The following DDX3X variants were observed in gnomAD, a reference collection of about 807,000 sequenced individuals.
DDX3X encodes the protein DEAD-box helicase 3 X-linked.
In DDX3X, 4 loss-of-function variants were observed where a neutral mutation model predicts 52.7. The observed-to-expected ratio is 0.08, with a 90% CI of 0.04 to 0.17. DDX3X has a LOEUF of 0.17. Among genes scored for constraint, DDX3X ranks in the 10% least tolerant of loss-of-function variants. The pLI is 1.00. For missense variants in DDX3X, 222 were observed against 548.6 expected, an observed-to-expected ratio of 0.40 and a Z score of 5.95; for synonymous variants, 192 against 178.1, an observed-to-expected ratio of 1.08 and a Z score of -0.62.
intron 4 of DDX3X, 100 bp downstream of exon 4, chrX:41,341,716 G>T: frequency 4.7e-6 from 4 of 857,353 alleles, no homozygotes; most frequent in Non-Finnish European, 6.5e-6. Flanking sequence ...TGTCTGTTTG[G>T]TCATTGTATT....
At chrX:41,337,291 G>A (rs2063784985) in intron 1 of DDX3X, 117 bp from the exon 2 acceptor site, 1 of 591,408 alleles carries the variant, frequency 1.7e-6, no homozygotes, top group African/African-American at 2.2e-5. Context: ...TTAGCCCTGT[G>A]AGGTGGACTG....
In DDX3X at chrX:41,347,406, C is replaced by T; in HGVS notation, c.1864C>T (p.Arg622Cys). ...SFSSSRASSSRSGGGGHGSSR... is the reference protein window; with the variant it reads ...SFSSSRASSSCSGGGGHGSSR... ...CAGCAGCAGCCGCGCAAGCAGCAGC[C>T]GCAGTGGCGGAGGTGGCCACGGTAG... The change falls in exon 16 of 17, where the codon CGC becomes TGC. Residue 622 changes from arginine to cysteine, a missense_variant. Around this residue, in one of 5 missense-constraint regions of DDX3X, gnomAD observed 38 missense variants for 52.0 expected, o/e 0.73. Coordinates refer to ENST00000644876, the MANE Select transcript of DDX3X (RefSeq NM_001356.5). The T allele has an allele frequency of 1.7e-6, 2 of 1,211,171 alleles. No individual in the cohort carries two copies. Among genetic ancestry groups the T allele is most frequent in the Non-Finnish European group, 2.2e-6 (2 of 895,035 alleles).
At chrX:41,340,672 C>T (rs2063837531) in intron 3 of DDX3X, 2 of 282,368 alleles carry the variant, frequency 7.1e-6, no homozygotes, top group African/African-American at 5.6e-5. Flanking sequence ...AGTAGATGAA[C>T]CACTAAAATA....
intron 1 of DDX3X, chrX:41,334,548 G>A (rs903647903): frequency 9.1e-7 from 1 of 1,094,775 alleles, no homozygotes; most frequent in Non-Finnish European, 1.2e-6. Flanking sequence ...GCGTGCGCAG[G>A]CGGGCGGAGG....
intron 1 of DDX3X, 112 bp downstream of exon 1, chrX:41,334,409 C>T (rs2063724512): frequency 3.5e-6 from 4 of 1,132,847 alleles, no homozygotes; most frequent in African/African-American, 3.6e-5. Flanking sequence ...TTCTGGGTGC[C>T]CCGGGCTGGC....
intron 2 of DDX3X, 24 bp from the exon 3 acceptor site, chrX:41,339,012 T>G: frequency 1.1e-5 from 8 of 751,230 alleles, no homozygotes; most frequent in Non-Finnish European, 1.4e-5. Flanking sequence ...TTAATTAATT[T>G]TATATATATA....
chrX:41,341,494 T>C lies in DDX3X; in HGVS notation c.162T>C (p.Asp54=), dbSNP rs2147348601. 2 of 1,203,912 alleles carry C rather than the reference T, an allele frequency of 1.7e-6. No homozygotes were observed. The highest frequency in any genetic ancestry group is 2.2e-6 in the Non-Finnish European group (2 of 889,791). Residue 54 remains aspartate (D), a synonymous_variant, in exon 4 of 17, where the codon GAT becomes GAC. Transcript: ENST00000644876. ...RNREATKGFY[D]KDSSGWSSSK... ...CTTTTTTAATCAAAGGTTTCTACGATAAAGACAGTTCAGGGTGGAGTTCTA... is the reference window on the plus strand; with the variant it reads ...CTTTTTTAATCAAAGGTTTCTACGACAAAGACAGTTCAGGGTGGAGTTCTA...
rs749744596 is a variant in DDX3X, at chrX:41,334,204, A to G, written c.-49A>G. On this transcript the variant is annotated 5_prime_UTR_variant, in exon 1 of 17. Coordinates refer to ENST00000644876, the MANE Select transcript of DDX3X (RefSeq NM_001356.5). ...GTGAGAGGGCCTTCGCGGTGGAACA[A>G]ACACTCGCTTAGCAGCGGAAGACTC... 1.4e-5 allele frequency: 16 copies of G among 1,175,636 alleles called. No individual in the cohort carries two copies. Among genetic ancestry groups the G allele is most frequent in the East Asian group, 6.0e-5 (2 of 33,199 alleles).
intron 8 of DDX3X, 31 bp from the exon 9 acceptor site, chrX:41,343,997 TAG>T: frequency 8.9e-7 from 1 of 1,119,626 alleles, no homozygotes; most frequent in Non-Finnish European, 1.2e-6. Flanking sequence ...ACAGGGTAGG[TAG>T]AGTTAACTTA....
In DDX3X at chrX:41,347,601, A is replaced by G. The variant is rs761379487; in HGVS notation, c.1910-39A>G. 2.7e-6 allele frequency: 3 copies of G among 1,128,633 alleles called. No homozygotes were observed. In the South Asian group the frequency reaches 5.6e-5, roughly 21 times the overall value. The allele number at this position is 1,128,633 out of a possible 1,213,427, so 93.0% of individuals were successfully genotyped here. On this transcript the variant is annotated intron_variant, in intron 16 of 16. Transcript: ENST00000644876. ...GAAGGATTGTATTTAATGATGGATAACTTCATTAATTTCTCTCTCTTTTTA... is the reference window on the plus strand; with the variant it reads ...GAAGGATTGTATTTAATGATGGATAGCTTCATTAATTTCTCTCTCTTTTTA...
At position 41,348,179 on chromosome X, in the gene DDX3X, G is replaced by T. The variant is rs750738573; in HGVS notation, c.*460G>T. 48 of 238,436 alleles carry T rather than the reference G, an allele frequency of 2.0e-4. No homozygotes were observed. The highest frequency in any genetic ancestry group is 1.3e-3 in the African/African-American group (46 of 35,207). 19.6% of individuals were successfully genotyped at this position (238,436 alleles called of 1,213,427 possible). ...GTGATACAACTTAACAGGAATCATC[G>T]ATTCATCCATAAATAATATAAGGAA... On this transcript the variant is annotated 3_prime_UTR_variant, in exon 17 of 17. Coordinates refer to ENST00000644876, the MANE Select transcript of DDX3X (RefSeq NM_001356.5).
intron 13 of DDX3X, 27 bp downstream of exon 13, chrX:41,346,437 C>G (rs766464631): frequency 1.4e-4 from 169 of 1,195,723 alleles, no homozygotes; most frequent in Non-Finnish European, 1.3e-4. Context: ...TTCTTTTATT[C>G]AAATTGAGCA....
downstream of DDX3X, chrX:41,351,393 T>C: frequency 8.9e-6 from 1 of 112,135 alleles, no homozygotes; most frequent in South Asian, 3.7e-4. Context: ...GATTCTTGGC[T>C]GAATTTCAAG....
At chrX:41,362,319 C>G in intron 5 of DDX3X, among the ~76,000 whole-genome samples, 1 of 110,498 alleles carries the variant, frequency 9.0e-6, no homozygotes, top group Non-Finnish European at 1.9e-5. Context: ...GAACTCCTGA[C>G]CTCAGGTAAT....
intron 5 of DDX3X, among the ~76,000 whole-genome samples, chrX:41,358,369 C>T (rs1445704810): frequency 9.1e-6 from 1 of 110,458 alleles, no homozygotes; most frequent in African/African-American, 3.3e-5. Flanking sequence ...AGCCACCGTG[C>T]CTGGTCGACG....
rs1366730237 is a variant in DDX3X, at chrX:41,346,573, T to C, written c.1566T>C (p.Ile522=). ...TCAATTTTGACTTGCCAAGTGATAT[T>C]GAAGAATATGTACATCGTATTGGTC... ...HVINFDLPSD[I]EEYVHRIGRT... Residue 522 remains isoleucine (I), a synonymous_variant, in exon 14 of 17, where the codon ATT becomes ATC. Transcript: ENST00000644876. The C allele has an allele frequency of 6.6e-6, 8 of 1,208,806 alleles. No homozygotes were observed. Among genetic ancestry groups the C allele is most frequent in the Non-Finnish European group, 8.9e-6 (8 of 894,090 alleles).
intron 10 of DDX3X, 118 bp from the exon 11 acceptor site, chrX:41,345,062 A>AT: frequency 1.4e-6 from 1 of 712,399 alleles, no homozygotes; most frequent in Non-Finnish European, 2.1e-6. Flanking sequence ...CTTAATGAAT[A>AT]TATAATTGTA....
rs1293584333 is a variant in DDX3X at position 41,349,697 on chromosome X, CTT to C, written c.*1979_*1980del. 4.5e-5 allele frequency: 5 copies of C among 111,597 alleles called. No individual in the cohort carries two copies. Among genetic ancestry groups the C allele is most frequent in the Non-Finnish European group, 7.5e-5 (4 of 53,126 alleles). 9.2% of individuals were successfully genotyped at this position (111,597 alleles called of 1,213,427 possible). On this transcript the variant is annotated 3_prime_UTR_variant, in exon 17 of 17. Coordinates refer to ENST00000644876, the MANE Select transcript of DDX3X (RefSeq NM_001356.5). ...TTTAATGTTTAAGTCATATTAAACT[CTT>C]AAGTCAAATTAAGCAGACCCGGCGT... is the stretch of plus-strand genomic sequence containing the variant.
intron 16 of DDX3X, 75 bp from the exon 17 acceptor site, chrX:41,347,565 A>G: frequency 2.7e-6 from 3 of 1,124,716 alleles, no homozygotes; most frequent in South Asian, 1.9e-5. Flanking sequence ...TTGATGGCAA[A>G]TTACGTAAGG....
Sources: gnomAD v4.1 joint callset for allele counts (sites outside exome capture counted in the v4.1 genomes callset) on GRCh38, gnomAD v4.1.1 for gene constraint, gnomAD v4.1.1 regional missense constraint, MANE v1.5 for transcripts, NCBI Gene and HGNC (gene_info 2026-07-23, HGNC 2026-07-21) for gene names.